Variants in ANKHD1 observed in about 807,000 individuals in gnomAD.
The protein encoded by ANKHD1 is ankyrin repeat and KH domain-containing protein 1.
Under a neutral mutation model 230.5 loss-of-function variants are expected in ANKHD1, and 31 were observed. That is an observed-to-expected ratio of 0.13 (90% CI 0.10 to 0.18). The LOEUF is 0.18. Among genes scored for constraint, ANKHD1 ranks in the 10% least tolerant of loss-of-function variants. ANKHD1 has a pLI of 1.00. For missense variants in ANKHD1, 2,256 were observed against 3,071.3 expected (o/e 0.73, Z 6.27); for synonymous variants, 1,074 against 1,117.6 (o/e 0.96, Z 0.78).
intron 1 of ANKHD1, among the ~76,000 whole-genome samples, chr5:140,426,160 C>T (rs913128081): frequency 9.9e-5 from 15 of 152,090 alleles, no homozygotes; most frequent in Non-Finnish European, 1.6e-4. Context: ...GACAGAGTCT[C>T]GCTCTGCCGC....
intron 22 of ANKHD1, 86 bp downstream of exon 22, chr5:140,510,267 T>C (rs763576940): frequency 6.4e-5 from 91 of 1,427,210 alleles, no homozygotes; most frequent in Non-Finnish European, 8.2e-5. Context: ...TCTTGGAGAA[T>C]TGAGTATATT....
At chr5:140,497,426 T>A in intron 15 of ANKHD1, 148 bp downstream of exon 15, 2 of 1,372,864 alleles carry the variant, frequency 1.5e-6, no homozygotes, top group Non-Finnish European at 1.9e-6. Context: ...GGAAGTGAAT[T>A]AACTATGCTC....
chr5:140,501,535 G>A (rs933214551), intron 15 of ANKHD1, among the ~76,000 whole-genome samples: 8 of 151,886 alleles, frequency 5.3e-5, no homozygotes, highest in Admixed American at 2.6e-4. Context: ...AGATCATGAG[G>A]TTAGGAGATC....
Position 140,437,802 on chromosome 5 carries a change from AT to A in ANKHD1, c.461-654del, listed in dbSNP as rs1262388356. Among the ~76,000 whole-genome samples the A allele has an allele frequency of 2.0e-5, 3 of 152,250 alleles. No homozygotes were observed. In the East Asian group the frequency reaches 5.8e-4, roughly 29 times the overall value. ...TTCTTTATTCACTCAAAAATCAACA[AT>A]TTTTGAGAGGGCCTCACACCTCAGA... On this transcript the variant is annotated intron_variant, in intron 2 of 33. Transcript: ENST00000360839.
At chr5:140,504,114 G>A (rs1581348029) in intron 15 of ANKHD1, among the ~76,000 whole-genome samples, 1 of 150,624 alleles carries the variant, frequency 6.6e-6, no homozygotes, top group Admixed American at 6.6e-5. Context: ...GGGCAGTGGC[G>A]TGATCTCAGC....
rs929127589 is a variant in ANKHD1 at position 140,438,670 on chromosome 5, G to A, written c.617+53G>A. On this transcript the variant is annotated intron_variant, in intron 3 of 33. Transcript: ENST00000360839. ...AGACATTTTCTTGAATAGATTTTGG[G>A]GAAGTAGCCAATTTTGGTTAAATAT... The A allele has an allele frequency of 4.8e-6, 7 of 1,473,460 alleles. No homozygotes were observed. The African/African-American group carries it at 8.5e-5, about 18-fold the overall frequency. 91.3% of individuals were successfully genotyped at this position (1,473,460 alleles called of 1,614,324 possible).
In ANKHD1 at chr5:140,426,999, G is replaced by A. The variant is rs573817235; in HGVS notation, c.307-9105G>A. On this transcript the variant is annotated intron_variant, in intron 1 of 33. Coordinates refer to ENST00000360839, the MANE Select transcript of ANKHD1 (RefSeq NM_017747.3). Reference sequence around the variant, plus strand: ...CTTTCTATTCCACAAAACAGCCATTGTCATCATGGCCCGTTCTCAATGAGC... The same window carrying A: ...CTTTCTATTCCACAAAACAGCCATTATCATCATGGCCCGTTCTCAATGAGC... 2.0e-3 allele frequency among the ~76,000 whole-genome samples: 311 copies of A among 152,280 alleles called. 2 individuals carry two copies. Among genetic ancestry groups the A allele is most frequent in the African/African-American group, 7.2e-3 (300 of 41,558 alleles).
At chr5:140,460,271 T>TA (rs554828625) in intron 9 of ANKHD1, among the ~76,000 whole-genome samples, 14 of 149,688 alleles carry the variant, frequency 9.4e-5, no homozygotes, top group Non-Finnish European at 1.3e-4. Context: ...TAGAACATAC[T>TA]AAAAAAAAAA....
At chr5:140,435,946 A>G (rs1183602481) in intron 1 of ANKHD1, among the ~76,000 whole-genome samples, 158 bp from the exon 2 acceptor site, 3 of 152,196 alleles carry the variant, frequency 2.0e-5, no homozygotes, top group Non-Finnish European at 4.4e-5. Flanking sequence ...AACAGTCACA[A>G]TGTCCTTCAA....
At chr5:140,449,374 A>T (rs1250877955) in intron 7 of ANKHD1, 69 bp downstream of exon 7, 54 of 1,534,252 alleles carry the variant, frequency 3.5e-5, no homozygotes, top group Non-Finnish European at 4.3e-5. Flanking sequence ...AGCCTTTAAG[A>T]GTGATTAATT....
At chr5:140,432,436 T>G (rs1248240234) in intron 1 of ANKHD1, among the ~76,000 whole-genome samples, 1 of 152,248 alleles carries the variant, frequency 6.6e-6, no homozygotes, top group Non-Finnish European at 1.5e-5. Context: ...AATATTCAAT[T>G]GCATGGATAT....
chr5:140,462,292 A>G (rs955392448), intron 9 of ANKHD1, among the ~76,000 whole-genome samples: 2 of 152,084 alleles, frequency 1.3e-5, no homozygotes, highest in African/African-American at 4.8e-5. Context: ...AGCATTGCTT[A>G]GATCCATTAA....
At chr5:140,443,552 A>G (rs538142215) in intron 5 of ANKHD1, among the ~76,000 whole-genome samples, 2 of 151,846 alleles carry the variant, frequency 1.3e-5, no homozygotes, top group Non-Finnish European at 2.9e-5. Context: ...TTAGCTAGGC[A>G]TGGTGGCAGG....
At chr5:140,418,866 G>A (rs1187735655) in intron 1 of ANKHD1, among the ~76,000 whole-genome samples, 1 of 152,076 alleles carries the variant, frequency 6.6e-6, no homozygotes, top group Non-Finnish European at 1.5e-5. Flanking sequence ...GAGTAGCTGG[G>A]ATTACAGGCA....
At chr5:140,429,600 C>T (rs1183787883) in intron 1 of ANKHD1, among the ~76,000 whole-genome samples, 40 of 151,814 alleles carry the variant, frequency 2.6e-4, no homozygotes. Flanking sequence ...ATTGTATGAC[C>T]ACAGGACTAG....
In ANKHD1 at chr5:140,529,416, A is replaced by G. The variant is rs1434574941; in HGVS notation, c.6470A>G (p.Gln2157Arg). 1.9e-6 allele frequency: 3 copies of G among 1,614,070 alleles called. No individual in the cohort carries two copies. The highest frequency in any genetic ancestry group is 2.5e-6 in the Non-Finnish European group (3 of 1,180,040). ...VPNATIHQDP[Q>R]SIFVTNPVTL... The stretch of plus-strand genomic sequence containing the variant: ...AATGCAACTATTCACCAGGATCCCC[A>G]GTCTATTTTTGTTACGAATCCAGTT... Residue 2157 changes from glutamine to arginine, a missense_variant, in exon 29 of 34, where the codon CAG becomes CGG. By Grantham distance (43) the Gln-to-Arg change is conservative (BLOSUM62 1). This residue lies in a region of ANKHD1 where 778 missense variants were observed against 966.5 expected (regional missense o/e 0.80). Transcript: ENST00000360839.
At chr5:140,520,700 A>G (rs1753301840) in intron 24 of ANKHD1, among the ~76,000 whole-genome samples, 1 of 148,092 alleles carries the variant, frequency 6.8e-6, no homozygotes, top group South Asian at 2.2e-4. Context: ...AACACCGCAT[A>G]TTCTCACTCA....
intron 29 of ANKHD1, among the ~76,000 whole-genome samples, chr5:140,530,059 A>G (rs924839207): frequency 6.6e-6 from 1 of 152,138 alleles, no homozygotes; most frequent in African/African-American, 2.4e-5. Flanking sequence ...TTAAAAAAAA[A>G]ATCATAGTGA....
intron 10 of ANKHD1, among the ~76,000 whole-genome samples, chr5:140,469,339 C>CAAAAAAA (rs1034952876): frequency 1.1e-5 from 1 of 87,606 alleles, no homozygotes; most frequent in Non-Finnish European, 2.4e-5. Flanking sequence ...CTGTCTCTAC[C>CAAAAAAA]AAAAAAAAAA....
Sources: gnomAD v4.1 joint callset for allele counts (sites outside exome capture counted in the v4.1 genomes callset) on GRCh38, gnomAD v4.1.1 for gene constraint, gnomAD v4.1.1 regional missense constraint, MANE v1.5 for transcripts, NCBI Gene and HGNC (gene_info 2026-07-23, HGNC 2026-07-21) for gene names.